RAB6B: variants seen among roughly 807,000 people sequenced by gnomAD.
RAB6B encodes the protein RAB6B, member RAS oncogene family.
RAB6B carries 7 observed loss-of-function variants against 31.2 expected under a neutral mutation model. That is an observed-to-expected ratio of 0.22 (90% CI 0.13 to 0.42). The LOEUF (loss-of-function observed/expected upper bound fraction) is 0.42, where lower values mean the gene tolerates loss of function less well. Among genes scored for constraint, RAB6B ranks in the 10% least tolerant of loss-of-function variants. The probability of loss-of-function intolerance (pLI) is 1.00; values close to 1 mark genes in which losing one functional copy is unlikely to be tolerated. For synonymous variants in RAB6B, 105 were observed against 104.9 expected (o/e 1.00, Z -0.01); for missense variants, 149 against 280.6 (o/e 0.53, Z 3.35).
chr3:133,825,950 ATCT>A lies in RAB6B; in HGVS notation c.*2835_*2837del, dbSNP rs1175537862. On this transcript the variant is annotated 3_prime_UTR_variant, in exon 8 of 8. Transcript: ENST00000285208. ...TGGGGTGCTGAGGCAATGCCATGAC[ATCT>A]TCTTCAAGAGCACCTAACAGTTTAT... 1 of 152,236 alleles carries A rather than the reference ATCT, an allele frequency of 6.6e-6. No homozygotes were observed. The highest frequency in any genetic ancestry group is 1.9e-4 in the East Asian group (1 of 5,198). 9.4% of individuals were successfully genotyped at this position (152,236 alleles called of 1,614,324 possible).
chr3:133,827,746 A>ACCAC lies in RAB6B; in HGVS notation c.*1041_*1042insGTGG. 2 of 72,114 alleles carry ACCAC rather than the reference A, an allele frequency of 2.8e-5. No individual in the cohort carries two copies. Among genetic ancestry groups the ACCAC allele is most frequent in the Non-Finnish European group, 5.5e-5 (2 of 36,596 alleles). The allele number at this position is 72,114 out of a possible 1,614,324, so 4.5% of individuals were successfully genotyped here. A position where few individuals can be genotyped will look rare whatever the true frequency, so the allele number is the denominator to read the frequency against. Reference sequence around the variant, plus strand: ...TCAAGGTGGTGGTTCTGCAGACAACACCCCCCCCCCCCCCCGCCTCCCCAT... The same window carrying ACCAC: ...TCAAGGTGGTGGTTCTGCAGACAACACCACCCCCCCCCCCCCCCCGCCTCCCCAT... On this transcript the variant is annotated 3_prime_UTR_variant, in exon 8 of 8. Coordinates refer to ENST00000285208, the MANE Select transcript of RAB6B (RefSeq NM_016577.4).
chr3:133,828,926 C>G, intron 7 of RAB6B, 74 bp from the exon 8 acceptor site: 1 of 1,327,284 alleles, frequency 7.5e-7, no homozygotes, highest in Non-Finnish European at 1.0e-6. Context: ...TGCACTGTAC[C>G]CTTTGGCTAC....
chr3:133,870,366 G>C (rs550849061), intron 1 of RAB6B, among the ~76,000 whole-genome samples: 26 of 152,278 alleles, frequency 1.7e-4, no homozygotes, highest in African/African-American at 6.3e-4. Context: ...GGGGATCATG[G>C]GGATTACAAT....
intron 5 of RAB6B, among the ~76,000 whole-genome samples, chr3:133,838,463 T>C (rs889175575): frequency 3.9e-5 from 6 of 152,178 alleles, no homozygotes; most frequent in Admixed American, 3.3e-4. Context: ...AGTAGGACAC[T>C]ATCCGCTTCC....
intron 2 of RAB6B, among the ~76,000 whole-genome samples, chr3:133,861,887 T>C (rs1411923599): frequency 1.3e-5 from 2 of 152,134 alleles, no homozygotes; most frequent in Non-Finnish European, 2.9e-5. Flanking sequence ...GAGTGATTGC[T>C]GTGCAGGGGC....
At chr3:133,873,188 G>A (rs1166010595) in intron 1 of RAB6B, among the ~76,000 whole-genome samples, 1 of 152,200 alleles carries the variant, frequency 6.6e-6, no homozygotes, top group Non-Finnish European at 1.5e-5. Flanking sequence ...AGCAGAAAAA[G>A]GAAAGGCAAA....
At chr3:133,884,854 A>AC (rs1936518591) in intron 1 of RAB6B, among the ~76,000 whole-genome samples, 6 of 140,696 alleles carry the variant, frequency 4.3e-5, no homozygotes, top group African/African-American at 5.2e-5. Flanking sequence ...GGGCTCACAC[A>AC]CCAATGATCA....
chr3:133,860,678 C>A (rs1347235807), intron 2 of RAB6B, among the ~76,000 whole-genome samples: 1 of 152,150 alleles, frequency 6.6e-6, no homozygotes, highest in Non-Finnish European at 1.5e-5. Context: ...TTCCCAGGCT[C>A]TGTGGGACCC....
rs1271336944 is a variant in RAB6B at position 133,843,483 on chromosome 3, A to G, written c.130-1820T>C. On this transcript the variant is annotated intron_variant, in intron 2 of 7. Transcript: ENST00000285208. ...TTATGGAGAAATGTGCATAGCAGGTAGAAGTCTCTCAACTCCTCAATGCTC... is the reference window on the plus strand; with the variant it reads ...TTATGGAGAAATGTGCATAGCAGGTGGAAGTCTCTCAACTCCTCAATGCTC... Among the ~76,000 whole-genome samples, 5 of 152,338 alleles carry G rather than the reference A, an allele frequency of 3.3e-5. No individual in the cohort carries two copies. The East Asian group carries it at 5.8e-4, about 18-fold the overall frequency.
intron 1 of RAB6B, among the ~76,000 whole-genome samples, chr3:133,881,696 C>T (rs1438667380): frequency 2.0e-5 from 3 of 152,190 alleles, no homozygotes; most frequent in Non-Finnish European, 4.4e-5. Context: ...AAAGACAGAA[C>T]AGGAAGAAAG....
chr3:133,895,586 C>T lies in RAB6B; in HGVS notation c.-120G>A, dbSNP rs1205861911. ...CGGGAGCCGGAGGGGGAAGGGCTGG[C>T]TGCGCGCGTCCCTGACTCCCCAGCT... On this transcript the variant is annotated 5_prime_UTR_variant, in exon 1 of 8. Transcript: ENST00000285208. 2.1e-6 allele frequency: 2 copies of T among 970,444 alleles called. No individual in the cohort carries two copies. The highest frequency in any genetic ancestry group is 3.1e-6 in the Non-Finnish European group (2 of 640,458). 60.1% of individuals were successfully genotyped at this position (970,444 alleles called of 1,614,324 possible). A position where few individuals can be genotyped will look rare whatever the true frequency, so the allele number is the denominator to read the frequency against.
intron 1 of RAB6B, among the ~76,000 whole-genome samples, chr3:133,893,263 C>T (rs926959700): frequency 6.6e-6 from 1 of 152,196 alleles, no homozygotes; most frequent in African/African-American, 2.4e-5. Flanking sequence ...CACAATGACA[C>T]GCTAGTGAAA....
chr3:133,849,548 C>G (rs1461683858), intron 2 of RAB6B, among the ~76,000 whole-genome samples: 2 of 152,196 alleles, frequency 1.3e-5, no homozygotes, highest in Non-Finnish European at 2.9e-5. Context: ...TGAGAAGGTG[C>G]TATTCACAGA....
chr3:133,841,580 C>A, intron 3 of RAB6B, 30 bp downstream of exon 3: 1 of 1,611,698 alleles, frequency 6.2e-7, no homozygotes, highest in Non-Finnish European at 8.5e-7. Flanking sequence ...ACCCTCCCTG[C>A]CCCTCCCAGT....
rs868332628 is a variant in RAB6B, at chr3:133,895,809, C to T, written c.-343G>A. On this transcript the variant is annotated 5_prime_UTR_variant, in exon 1 of 8. Coordinates refer to ENST00000285208, the MANE Select transcript of RAB6B (RefSeq NM_016577.4). Reference sequence around the variant, plus strand: ...CGGGGCGCAGGGACGGCGCGCGGGGCGGAGGAGCGCTCTCCAGAGCCGCGC... The same window carrying T: ...CGGGGCGCAGGGACGGCGCGCGGGGTGGAGGAGCGCTCTCCAGAGCCGCGC... The T allele has an allele frequency of 1.4e-5, 4 of 288,880 alleles. No individual in the cohort carries two copies. Among genetic ancestry groups the T allele is most frequent in the African/African-American group, 8.9e-5 (4 of 45,090 alleles). 17.9% of individuals were successfully genotyped at this position (288,880 alleles called of 1,614,324 possible).
intron 7 of RAB6B, among the ~76,000 whole-genome samples, chr3:133,834,074 G>A (rs777343977): frequency 3.9e-5 from 6 of 152,074 alleles, no homozygotes; most frequent in Admixed American, 3.3e-4. Flanking sequence ...TGGGTGATGC[G>A]CAATGGTCCC....
At position 133,869,286 on chromosome 3, in the gene RAB6B, T is replaced by C. The variant is rs116051878; in HGVS notation, c.71-4644A>G. ...AGGGCAAGTGAAGCCAGACAGTGTGTGAGGAAGAGTGAGTAGCAAACATTG... is the reference window on the plus strand; with the variant it reads ...AGGGCAAGTGAAGCCAGACAGTGTGCGAGGAAGAGTGAGTAGCAAACATTG... On this transcript the variant is annotated intron_variant, in intron 1 of 7. Transcript: ENST00000285208. Among the ~76,000 whole-genome samples the C allele has an allele frequency of 8.6e-3, 1,303 of 152,264 alleles. 13 individuals carry two copies. The highest frequency in any genetic ancestry group is 0.03 in the African/African-American group (1,258 of 41,558).
intron 1 of RAB6B, among the ~76,000 whole-genome samples, chr3:133,869,919 A>G (rs1001934698): frequency 2.0e-5 from 3 of 152,158 alleles, no homozygotes; most frequent in African/African-American, 7.2e-5. Context: ...GCCAGGTCCT[A>G]CTCAAACTAC....
chr3:133,827,614 A>C lies in RAB6B; in HGVS notation c.*1174T>G. 2.2e-6 allele frequency: 1 copy of C among 446,688 alleles called. No individual in the cohort carries two copies. The highest frequency in any genetic ancestry group is 6.1e-4 in the Middle Eastern group (1 of 1,642). The allele number at this position is 446,688 out of a possible 1,614,324, so 27.7% of individuals were successfully genotyped here. On this transcript the variant is annotated 3_prime_UTR_variant, in exon 8 of 8. Transcript: ENST00000285208. ...AGTAGCCACAAAGATATGTCCACAA[A>C]GACTTCAACTGCGCCATGCCACTGG... is the stretch of plus-strand genomic sequence containing the variant.
Sources: gnomAD v4.1 joint callset for allele counts (sites outside exome capture counted in the v4.1 genomes callset) on GRCh38, gnomAD v4.1.1 for gene constraint, MANE v1.5 for transcripts, NCBI Gene and HGNC (gene_info 2026-07-23, HGNC 2026-07-21) for gene names.